The following DPP6 variants were observed in gnomAD, a reference collection of about 807,000 sequenced individuals.
DPP6 encodes dipeptidyl peptidase like 6.
Under a neutral mutation model 122.6 loss-of-function variants are expected in DPP6, and 69 were observed. That is an observed-to-expected ratio of 0.56 (90% confidence interval 0.46 to 0.69). The LOEUF is 0.69. DPP6 is among the 30% of genes least tolerant of loss of function. DPP6 has a pLI of 0.00. For missense variants in DPP6, 928 were observed against 1,116.9 expected, an observed-to-expected ratio of 0.83 and a Z score of 2.41; for synonymous variants, 418 against 433.1, an observed-to-expected ratio of 0.97 and a Z score of 0.43.
intron 1 of DPP6, among the ~76,000 whole-genome samples, chr7:154,428,944 C>T (rs1252569641): frequency 6.6e-6 from 1 of 152,136 alleles, no homozygotes; most frequent in Admixed American, 6.5e-5. Flanking sequence ...CAGACTTCAG[C>T]ACTGTACGCT....
At chr7:154,365,899 A>G (rs1421980638) in intron 1 of DPP6, among the ~76,000 whole-genome samples, 1 of 143,686 alleles carries the variant, frequency 7.0e-6, no homozygotes, top group African/African-American at 2.6e-5. Context: ...CGGAGCTTGC[A>G]GTGAGCCGAG....
intron 5 of DPP6, among the ~76,000 whole-genome samples, chr7:154,581,215 T>G (rs1279440042): frequency 6.6e-6 from 1 of 151,898 alleles, no homozygotes. Flanking sequence ...CAAGCGAGGG[T>G]AGCAGGAGAA....
intron 1 of DPP6, among the ~76,000 whole-genome samples, chr7:154,024,726 G>C (rs748469549): frequency 6.6e-6 from 1 of 152,184 alleles, no homozygotes; most frequent in African/African-American, 2.4e-5. Flanking sequence ...CTAAGTAACT[G>C]TACTGTCATA....
At chr7:154,424,975 G>T (rs10273396) in intron 1 of DPP6, among the ~76,000 whole-genome samples, 34,464 of 152,202 alleles carry the variant, frequency 0.23, 7,877 homozygotes, top group African/African-American at 0.59. Context: ...CTCGTTGATT[G>T]ATTTTTTGGA....
Position 154,587,620 on chromosome 7 carries a change from A to G in DPP6, c.627+20704A>G, listed in dbSNP as rs954921465. On this transcript the variant is annotated intron_variant, in intron 5 of 25. Coordinates refer to ENST00000377770, the MANE Select transcript of DPP6 (RefSeq NM_130797.4). ...CATAGAAATGGAATTGAGCTTTCTA[A>G]AATGATTCTGCCCATCTCCCACTTT... The G allele has an allele frequency of 8.5e-6, 13 of 1,525,874 alleles. No individual in the cohort carries two copies. In the African/African-American group the frequency reaches 1.4e-4, roughly 16 times the overall value. 94.5% of individuals were successfully genotyped at this position (1,525,874 alleles called of 1,614,324 possible).
At chr7:154,350,167 A>G (rs1464133643) in intron 1 of DPP6, among the ~76,000 whole-genome samples, 2 of 152,154 alleles carry the variant, frequency 1.3e-5, no homozygotes, top group Non-Finnish European at 2.9e-5. Flanking sequence ...ACTTCACCCT[A>G]TGGTTGATGG....
chr7:154,366,632 A>G (rs1215880705), intron 1 of DPP6, among the ~76,000 whole-genome samples: 1 of 152,202 alleles, frequency 6.6e-6, no homozygotes, highest in Non-Finnish European at 1.5e-5. Flanking sequence ...GCAGTGTACA[A>G]CCATGGTAGG....
At chr7:153,790,587 A>C in the DPP6 span, among the ~76,000 whole-genome samples, 1 of 152,202 alleles carries the variant, frequency 6.6e-6, no homozygotes, top group Non-Finnish European at 1.5e-5. Flanking sequence ...TGAATGCCTA[A>C]AGCTTGCTCT....
chr7:153,896,617 C>T (rs528575962), intron 1 of DPP6, among the ~76,000 whole-genome samples: 1 of 152,054 alleles, frequency 6.6e-6, no homozygotes, highest in African/African-American at 2.4e-5. Flanking sequence ...CCAGCCTGTG[C>T]AACATAGACA....
intron 1 of DPP6, among the ~76,000 whole-genome samples, chr7:154,271,307 A>G (rs796958317): frequency 1.0e-3 from 157 of 152,164 alleles, no homozygotes; most frequent in African/African-American, 3.6e-3. Context: ...CTCAGAGGGG[A>G]CAAAAATGAC....
chr7:154,841,334 C>A (rs535107593), intron 16 of DPP6, among the ~76,000 whole-genome samples: 25 of 151,064 alleles, frequency 1.7e-4, no homozygotes, highest in African/African-American at 6.1e-4. Context: ...GCTTTGCCCC[C>A]CTGTAGCCTT....
chr7:154,145,221 G>A (rs943724561), intron 1 of DPP6, among the ~76,000 whole-genome samples: 2 of 152,186 alleles, frequency 1.3e-5, no homozygotes, highest in Non-Finnish European at 2.9e-5. Context: ...GACCCCTACA[G>A]CTAGTCACAG....
At chr7:154,011,646 G>T (rs552086142) in intron 1 of DPP6, among the ~76,000 whole-genome samples, 1,582 of 152,264 alleles carry the variant, frequency 0.01, 4 homozygotes, top group South Asian at 0.018. Context: ...TCACTTAAAA[G>T]AAATATTTGT....
chr7:154,669,319 C>T (rs1355383285), intron 6 of DPP6, 41 bp from the exon 7 acceptor site: 1 of 1,551,514 alleles, frequency 6.4e-7, no homozygotes, highest in South Asian at 1.2e-5. Context: ...TCTTGGTTCC[C>T]AACATTTTGC....
At chr7:153,945,828 G>A (rs79907077) in intron 1 of DPP6, among the ~76,000 whole-genome samples, 4,946 of 152,212 alleles carry the variant, frequency 0.032, 284 homozygotes, top group African/African-American at 0.11. Context: ...CCTTGTCCTC[G>A]TCTAACCTGC....
chr7:153,861,895 GA>G, the DPP6 span, among the ~76,000 whole-genome samples: 3 of 152,174 alleles, frequency 2.0e-5, no homozygotes, highest in African/African-American at 7.2e-5. Context: ...TCTTTGGGGG[GA>G]AAAAGCTGAG....
intron 1 of DPP6, among the ~76,000 whole-genome samples, chr7:153,981,998 G>GGTGAATCTGAC (rs1796613922): frequency 6.6e-6 from 1 of 152,160 alleles, no homozygotes; most frequent in Non-Finnish European, 1.5e-5. Context: ...TTTCAACCTT[G>GGTGAATCTGAC]GTGAATCTGA....
At chr7:154,487,491 C>G (rs73497287) in intron 3 of DPP6, among the ~76,000 whole-genome samples, 2 of 152,136 alleles carry the variant, frequency 1.3e-5, no homozygotes, top group Non-Finnish European at 2.9e-5. Context: ...TGCCTGGCAA[C>G]GCAGCTCAGC....
At chr7:154,115,509 C>A (rs957002321) in intron 1 of DPP6, among the ~76,000 whole-genome samples, 2 of 152,124 alleles carry the variant, frequency 1.3e-5, no homozygotes, top group Non-Finnish European at 2.9e-5. Context: ...GGCCCTGATG[C>A]AAAAAGCCCA....
Sources: gnomAD v4.1 joint callset for allele counts (sites outside exome capture counted in the v4.1 genomes callset) on GRCh38, gnomAD v4.1.1 for gene constraint, MANE v1.5 for transcripts, NCBI Gene and HGNC (gene_info 2026-07-23, HGNC 2026-07-21) for gene names.